Variants in ATG5 observed in about 807,000 individuals in gnomAD.
The protein encoded by ATG5 is autophagy related 5.
Under a neutral mutation model 36.5 loss-of-function variants are expected in ATG5, and 14 were observed. The ratio of observed to expected loss-of-function variants is 0.38; its 90% CI spans 0.25 to 0.60. The LOEUF (loss-of-function observed/expected upper bound fraction) is 0.60. Ranked by LOEUF, ATG5 falls within the 20% of genes least tolerant of loss-of-function variation. The pLI, the probability that ATG5 is intolerant of heterozygous loss-of-function variation, is 0.60. For missense variants in ATG5, 195 were observed against 326.7 expected (o/e 0.60, Z 3.11); for synonymous variants, 95 against 101.5 (o/e 0.94, Z 0.38).
chr6:106,265,909 C>T (rs760528356), intron 5 of ATG5, among the ~76,000 whole-genome samples: 4 of 151,850 alleles, frequency 2.6e-5, no homozygotes, highest in Admixed American at 2.6e-4. Context: ...GATCTAAAAT[C>T]GACACCCTAA....
intron 4 of ATG5, among the ~76,000 whole-genome samples, chr6:106,285,832 A>G (rs1780055604): frequency 6.6e-6 from 1 of 152,198 alleles, no homozygotes; most frequent in Non-Finnish European, 1.5e-5. Context: ...TAACCACTTA[A>G]AAATGTAAAA....
chr6:106,292,177 G>A (rs1020672576), intron 4 of ATG5, among the ~76,000 whole-genome samples: 4 of 152,210 alleles, frequency 2.6e-5, no homozygotes, highest in South Asian at 2.1e-4. Flanking sequence ...CCAACATGGT[G>A]AAATCATTGC....
chr6:106,307,019 T>G (rs17566419), intron 3 of ATG5, among the ~76,000 whole-genome samples: 2,728 of 152,270 alleles, frequency 0.018, 32 homozygotes, highest in Non-Finnish European at 0.026. Context: ...CAGAACCATC[T>G]CAAAGGATTA....
At chr6:106,252,532 G>A (rs1296843298) in intron 5 of ATG5, among the ~76,000 whole-genome samples, 1 of 151,752 alleles carries the variant, frequency 6.6e-6, no homozygotes, top group Non-Finnish European at 1.5e-5. Flanking sequence ...AAGTTAATTT[G>A]TATTCTTTGT....
intron 6 of ATG5, among the ~76,000 whole-genome samples, chr6:106,218,282 G>A (rs1777115889): frequency 6.6e-6 from 1 of 152,168 alleles, no homozygotes; most frequent in Admixed American, 6.5e-5. Context: ...GTGCAAGAGT[G>A]TGGTGTTCTA....
intron 5 of ATG5, among the ~76,000 whole-genome samples, chr6:106,275,985 G>A (rs1779629687): frequency 6.6e-6 from 1 of 152,180 alleles, no homozygotes; most frequent in Non-Finnish European, 1.5e-5. Context: ...TACAAAAGCA[G>A]ATGGCTGGCC....
At chr6:106,208,269 T>G (rs780821678) in intron 6 of ATG5, among the ~76,000 whole-genome samples, 10 of 152,184 alleles carry the variant, frequency 6.6e-5, no homozygotes, top group Non-Finnish European at 1.3e-4. Flanking sequence ...TAAACACATA[T>G]GTATATGTAT....
intron 3 of ATG5, among the ~76,000 whole-genome samples, chr6:106,306,553 C>T (rs975125409): frequency 6.6e-6 from 1 of 152,156 alleles, no homozygotes; most frequent in Non-Finnish European, 1.5e-5. Flanking sequence ...CCCACCACAA[C>T]AAAGAATTAT....
intron 7 of ATG5, among the ~76,000 whole-genome samples, chr6:106,191,950 T>A (rs954889607): frequency 6.6e-6 from 1 of 152,214 alleles, no homozygotes; most frequent in Non-Finnish European, 1.5e-5. Context: ...GAATTTGGCC[T>A]CATGGTAATA....
At chr6:106,230,148 T>TG (rs1777619202) in intron 6 of ATG5, among the ~76,000 whole-genome samples, 1 of 152,214 alleles carries the variant, frequency 6.6e-6, no homozygotes, top group African/African-American at 2.4e-5. Context: ...GGGAGACTCT[T>TG]GTGGAAGCAG....
chr6:106,280,554 C>A (rs934487833), intron 4 of ATG5, among the ~76,000 whole-genome samples: 1 of 150,342 alleles, frequency 6.7e-6, no homozygotes, highest in Non-Finnish European at 1.5e-5. Context: ...TTCACTGATT[C>A]TTTTAGGCAG....
At chr6:106,275,028 G>A (rs1026126021) in intron 5 of ATG5, among the ~76,000 whole-genome samples, 1 of 152,180 alleles carries the variant, frequency 6.6e-6, no homozygotes, top group African/African-American at 2.4e-5. Flanking sequence ...CATCAGTGCT[G>A]GATGATCACT....
At chr6:106,227,112 C>T (rs900493454) in intron 6 of ATG5, among the ~76,000 whole-genome samples, 1 of 150,992 alleles carries the variant, frequency 6.6e-6, no homozygotes, top group South Asian at 2.1e-4. Flanking sequence ...GATAAACAAA[C>T]TAAAAAGAAT....
intron 3 of ATG5, among the ~76,000 whole-genome samples, chr6:106,307,814 T>C (rs936429056): frequency 6.6e-6 from 1 of 152,028 alleles, no homozygotes; most frequent in Non-Finnish European, 1.5e-5. Context: ...GGGATTCGTG[T>C]AGTATCTGTT....
chr6:106,243,579 C>T (rs1404175207), intron 6 of ATG5, among the ~76,000 whole-genome samples: 1 of 148,062 alleles, frequency 6.8e-6, no homozygotes, highest in Non-Finnish European at 1.5e-5. Context: ...ACTTGTAATT[C>T]CAGCACTTTG....
intron 2 of ATG5, among the ~76,000 whole-genome samples, chr6:106,312,468 T>C (rs1770683881): frequency 6.6e-6 from 1 of 150,852 alleles, no homozygotes; most frequent in East Asian, 1.9e-4. Context: ...TGGAGAAAAA[T>C]ATTGGGAATT....
intron 6 of ATG5, among the ~76,000 whole-genome samples, chr6:106,244,573 A>C (rs1316749774): frequency 4.6e-5 from 7 of 152,158 alleles, no homozygotes; most frequent in Non-Finnish European, 1.5e-5. Flanking sequence ...TCTCCTCCCA[A>C]ACTAGAACAA....
chr6:106,220,654 T>G (rs944315428), intron 6 of ATG5, among the ~76,000 whole-genome samples: 4 of 152,166 alleles, frequency 2.6e-5, no homozygotes, highest in African/African-American at 9.7e-5. Context: ...ACTCTCATAT[T>G]TACCCAAAAG....
intron 3 of ATG5, among the ~76,000 whole-genome samples, chr6:106,303,004 A>G (rs1461602998): frequency 6.6e-6 from 1 of 152,074 alleles, no homozygotes; most frequent in Non-Finnish European, 1.5e-5. Context: ...TACAATTTAA[A>G]AAAGAAATTA....
Sources: gnomAD v4.1 joint callset for allele counts (sites outside exome capture counted in the v4.1 genomes callset) on GRCh38, gnomAD v4.1.1 for gene constraint, MANE v1.5 for transcripts, NCBI Gene and HGNC (gene_info 2026-07-23, HGNC 2026-07-21) for gene names.